IFT122: variants seen among roughly 807,000 people sequenced by gnomAD.
The protein encoded by IFT122 is intraflagellar transport 122.
A neutral mutation model predicts 161.6 loss-of-function variants in IFT122; 118 were observed. That is an observed-to-expected ratio of 0.73 (90% CI 0.63 to 0.85). The LOEUF (loss-of-function observed/expected upper bound fraction) is 0.85, where lower values mean the gene tolerates loss of function less well. IFT122 is among the 40% of genes least tolerant of loss of function. The probability of loss-of-function intolerance (pLI) is 0.00; values close to 1 mark genes in which losing one functional copy is unlikely to be tolerated. For missense variants in IFT122, 1,381 were observed against 1,579.6 expected (o/e 0.87, Z 2.13); for synonymous variants, 550 against 602.4 (o/e 0.91, Z 1.27).
Position 129,478,661 on chromosome 3 carries a change from G to A in IFT122, c.1350+443G>A, listed in dbSNP as rs1035923784. On this transcript the variant is annotated intron_variant, in intron 12 of 29. Transcript: ENST00000348417. Reference sequence around the variant, plus strand: ...AGGCTGTACTTTGGGAGGCTAAGGCGGGAGGAATGCTTGAACCCAGGAGTT... The same window carrying A: ...AGGCTGTACTTTGGGAGGCTAAGGCAGGAGGAATGCTTGAACCCAGGAGTT... 4.6e-5 allele frequency among the ~76,000 whole-genome samples: 7 copies of A among 151,954 alleles called. No homozygotes were observed. The East Asian group carries it at 5.9e-4, about 13-fold the overall frequency.
At chr3:129,471,077 T>A (rs6784396) in intron 9 of IFT122, among the ~76,000 whole-genome samples, 6,383 of 152,228 alleles carry the variant, frequency 0.042, 400 homozygotes, top group African/African-American at 0.13. Flanking sequence ...TGCCAAGGAT[T>A]AGAGTAAAGG....
At chr3:129,483,763 G>A in intron 15 of IFT122, 81 bp downstream of exon 15, 1 of 1,315,174 alleles carries the variant, frequency 7.6e-7, no homozygotes, top group East Asian at 2.5e-5. Flanking sequence ...TGGTGCTTTG[G>A]GGAGAGAGTA....
chr3:129,453,438 C>T (rs2075091662), intron 3 of IFT122, among the ~76,000 whole-genome samples: 1 of 152,072 alleles, frequency 6.6e-6, no homozygotes, highest in Non-Finnish European at 1.5e-5. Context: ...GTAGTGAGAT[C>T]CCCGGTGACA....
chr3:129,510,218 G>A (rs1056630286), intron 23 of IFT122, among the ~76,000 whole-genome samples: 6 of 152,110 alleles, frequency 3.9e-5, no homozygotes, highest in Non-Finnish European at 8.8e-5. Context: ...GAGCCACCAC[G>A]CCCAGCCTTC....
chr3:129,478,225 A>G lies in IFT122; in HGVS notation c.1350+7A>G, dbSNP rs2078187000. ...TCACATCATCCTGTGCCAGGTGGGC[A>G]GCAGCATGTTGAAGGAGTTGGGCTG... On this transcript the variant is annotated splice_region_variant and intron_variant, in intron 12 of 29. Coordinates refer to ENST00000348417, the MANE Select transcript of IFT122 (RefSeq NM_052989.3). The G allele has an allele frequency of 6.8e-6, 11 of 1,613,664 alleles. No homozygotes were observed. Among genetic ancestry groups the G allele is most frequent in the Non-Finnish European group, 8.5e-6 (10 of 1,179,702 alleles).
chr3:129,464,286 A>G (rs1330212019), intron 6 of IFT122, among the ~76,000 whole-genome samples: 1 of 152,148 alleles, frequency 6.6e-6, no homozygotes, highest in Non-Finnish European at 1.5e-5. Context: ...GTCTGTTCTT[A>G]AGGTGCTCTT....
intron 1 of IFT122, among the ~76,000 whole-genome samples, chr3:129,442,387 A>G (rs1250453645): frequency 6.6e-6 from 1 of 152,158 alleles, no homozygotes; most frequent in African/African-American, 2.4e-5. Context: ...ATATAAAACG[A>G]AATACTGTGG....
Position 129,464,916 on chromosome 3 carries a change from A to G in IFT122, c.563+135A>G, listed in dbSNP as rs2076552481. On this transcript the variant is annotated intron_variant, in intron 7 of 29. Transcript: ENST00000348417. ...CTGTTTTAGAACCTGTCCCATTTGT[A>G]TGGATTTTTTTTTTAATAGTCCCGC... 12 of 1,005,364 alleles carry G rather than the reference A, an allele frequency of 1.2e-5. No homozygotes were observed. In the East Asian group the frequency reaches 1.2e-4, roughly 10 times the overall value. The allele number at this position is 1,005,364 out of a possible 1,614,324, so 62.3% of individuals were successfully genotyped here. A position where few individuals can be genotyped will look rare whatever the true frequency, so the allele number is the denominator to read the frequency against.
chr3:129,519,162 G>A lies in IFT122; in HGVS notation c.3447G>A (p.Pro1149=), dbSNP rs545406299. 32 of 1,614,092 alleles carry A rather than the reference G, an allele frequency of 2.0e-5. No homozygotes were observed. In the South Asian group the frequency reaches 2.1e-4, roughly 11 times the overall value. Residue 1149 remains proline, a synonymous_variant, in exon 28 of 30, where the codon CCG becomes CCA. Transcript: ENST00000348417. Reference sequence around the variant, plus strand: ...AGGACTCCATCGGAGATGAGGACCCGTTCACAGCTAAGCTGAGCTTTGAGG... The same window carrying A: ...AGGACTCCATCGGAGATGAGGACCCATTCACAGCTAAGCTGAGCTTTGAGG... ...ETKDSIGDED[P]FTAKLSFEQG...
chr3:129,475,117 C>T lies in IFT122; in HGVS notation c.817-1198C>T, dbSNP rs548654116. ...AAGGTTGCATTGAGTTATGATCATA[C>T]GACTGCATTCCAGCCTAAGCCACAG... On this transcript the variant is annotated intron_variant, in intron 9 of 29. Coordinates refer to ENST00000348417, the MANE Select transcript of IFT122 (RefSeq NM_052989.3). 5.9e-5 allele frequency among the ~76,000 whole-genome samples: 9 copies of T among 152,230 alleles called. 1 individual carries two copies. Among genetic ancestry groups the T allele is most frequent in the Middle Eastern group, 3.4e-3 (1 of 294 alleles).
Position 129,503,115 on chromosome 3 carries a change from A to G in IFT122, c.2547+233A>G, listed in dbSNP as rs139950263. ...ATTGAGAAAATCGTTACTGACAGCC[A>G]GCTCTGCCAGGGTGGTGACAGGCAC... On this transcript the variant is annotated intron_variant, in intron 20 of 29. Coordinates refer to ENST00000348417, the MANE Select transcript of IFT122 (RefSeq NM_052989.3). Among the ~76,000 whole-genome samples, 627 of 152,334 alleles carry G rather than the reference A, an allele frequency of 4.1e-3. 2 individuals carry two copies. Among genetic ancestry groups the G allele is most frequent in the African/African-American group, 0.013 (560 of 41,574 alleles).
intron 4 of IFT122, among the ~76,000 whole-genome samples, chr3:129,459,159 T>C (rs1367215534): frequency 6.6e-6 from 1 of 152,218 alleles, no homozygotes; most frequent in African/African-American, 2.4e-5. Flanking sequence ...CTTTCCTGCC[T>C]CTCTAGACTG....
intron 28 of IFT122, 106 bp downstream of exon 28, chr3:129,519,292 A>G (rs553687103): frequency 3.7e-4 from 425 of 1,143,148 alleles, no homozygotes; most frequent in Non-Finnish European, 5.1e-4. Context: ...ATTGGCCAGA[A>G]CTTCCAGATG....
At chr3:129,464,893 GT>G in intron 7 of IFT122, 112 bp downstream of exon 7, 2 of 1,199,240 alleles carry the variant, frequency 1.7e-6, no homozygotes, top group Non-Finnish European at 2.5e-6. Flanking sequence ...TGAATGGTCT[GT>G]TTTAGAACCT....
intron 1 of IFT122, among the ~76,000 whole-genome samples, chr3:129,449,320 A>T (rs1333254194): frequency 6.6e-6 from 1 of 152,228 alleles, no homozygotes; most frequent in Non-Finnish European, 1.5e-5. Flanking sequence ...CTGAAACATC[A>T]TCAATTATAA....
intron 3 of IFT122, among the ~76,000 whole-genome samples, chr3:129,454,556 T>TGTGC (rs1023661478): frequency 6.7e-6 from 1 of 150,066 alleles, no homozygotes; most frequent in African/African-American, 2.5e-5. Context: ...TGTGTGTGTG[T>TGTGC]GCATGTTTGA....
intron 5 of IFT122, 48 bp downstream of exon 5, chr3:129,461,352 G>A: frequency 1.4e-6 from 2 of 1,402,430 alleles, no homozygotes; most frequent in Non-Finnish European, 2.0e-6. Flanking sequence ...TGAAAATCTG[G>A]GCTAAAAATG....
At position 129,479,838 on chromosome 3, in the gene IFT122, G is replaced by A; in HGVS notation, c.1404G>A (p.Gln468=). ...GCGGAGTGAAGGAGCGGGAGTGGCA[G>A]ATGGAGTCTCTCATTCGTTACATCA... ...SFSGVKEREW[Q]MESLIRYIKV... Residue 468 remains glutamine, a synonymous_variant, in exon 13 of 30, where the codon CAG becomes CAA. Coordinates refer to ENST00000348417, the MANE Select transcript of IFT122 (RefSeq NM_052989.3). 1 of 1,614,086 alleles carries A rather than the reference G, an allele frequency of 6.2e-7. No individual in the cohort carries two copies.
rs951537483 is a variant in IFT122 at position 129,442,722 on chromosome 3, G to A, written c.41+2351G>A. Among the ~76,000 whole-genome samples the A allele has an allele frequency of 2.6e-5, 4 of 152,008 alleles. No individual in the cohort carries two copies. In the South Asian group the frequency reaches 8.3e-4, roughly 32 times the overall value. On this transcript the variant is annotated intron_variant, in intron 1 of 29. Transcript: ENST00000348417. ...AGCAGCAGGAACTCTGTTTTTTTAAGACCTGCTGCTGTGATCCTGTTACTC... is the reference window on the plus strand; with the variant it reads ...AGCAGCAGGAACTCTGTTTTTTTAAAACCTGCTGCTGTGATCCTGTTACTC...
Sources: allele counts gnomAD v4.1 joint callset (sites outside exome capture counted in the v4.1 genomes callset), GRCh38; gene constraint gnomAD v4.1.1; transcripts MANE v1.5; gene names NCBI Gene and HGNC (gene_info 2026-07-23, HGNC 2026-07-21).